DMD: variants seen among roughly 807,000 people sequenced by gnomAD.
DMD encodes dystrophin.
DMD carries 63 observed loss-of-function variants against 330.1 expected under a neutral mutation model. The observed-to-expected ratio is 0.19, with a 90% confidence interval of 0.16 to 0.24. DMD has a LOEUF of 0.24. Among genes scored for constraint, DMD ranks in the 10% least tolerant of loss-of-function variants. DMD has a pLI of 1.00. For missense variants in DMD, 3,344 were observed against 2,684.1 expected (o/e 1.25, Z -5.43); for synonymous variants, 1,223 against 959.8 (o/e 1.27, Z -5.07).
At chrX:32,797,538 T>C (rs2076263570) in intron 7 of DMD, among the ~76,000 whole-genome samples, 1 of 112,514 alleles carries the variant, frequency 8.9e-6, no homozygotes, top group Non-Finnish European at 1.9e-5. Context: ...AACACTTTTC[T>C]GAATCAAACC....
chrX:32,333,519 T>A (rs1033298707), intron 41 of DMD, among the ~76,000 whole-genome samples: 7 of 111,592 alleles, frequency 6.3e-5, no homozygotes, highest in African/African-American at 1.3e-4. Flanking sequence ...ATTTCTTTGC[T>A]TTTTTTGGAT....
At chrX:32,412,098 A>T (rs72468650) in intron 29 of DMD, 185 bp from the exon 30 acceptor site, 7 of 1,170,346 alleles carry the variant, frequency 6.0e-6, no homozygotes, top group Non-Finnish European at 6.9e-6. Context: ...GGAGAAAAAT[A>T]AATAGCAAAC....
chrX:31,382,283 G>T (rs2060219715), intron 60 of DMD, among the ~76,000 whole-genome samples: 1 of 111,457 alleles, frequency 9.0e-6, no homozygotes, highest in Admixed American at 9.5e-5. Flanking sequence ...CTCCTGTATG[G>T]ACGCTCCTTT....
At chrX:32,979,510 T>G (rs975058920) in intron 2 of DMD, among the ~76,000 whole-genome samples, 2 of 111,085 alleles carry the variant, frequency 1.8e-5, no homozygotes, top group South Asian at 3.8e-4. Context: ...ATTCATGTGT[T>G]TAGAGGAATA....
chrX:31,183,666 A>G (rs1286341604), intron 67 of DMD, among the ~76,000 whole-genome samples: 1 of 110,917 alleles, frequency 9.0e-6, no homozygotes, highest in East Asian at 2.8e-4. Context: ...GTTTTTTTCA[A>G]CCCTATAGGA....
At chrX:32,539,459 G>A (rs1182298830) in intron 17 of DMD, among the ~76,000 whole-genome samples, 1 of 110,543 alleles carries the variant, frequency 9.0e-6, no homozygotes, top group Admixed American at 9.7e-5. Context: ...ATAGGCAAAA[G>A]TGTCATTACT....
At chrX:31,903,009 A>G (rs750061477) in intron 47 of DMD, among the ~76,000 whole-genome samples, 125 of 111,396 alleles carry the variant, frequency 1.1e-3, no homozygotes, top group Non-Finnish European at 1.8e-3. Context: ...CTATTATGAC[A>G]CCTCTCAACA....
chrX:31,984,581 T>C (rs1205513864), intron 44 of DMD, among the ~76,000 whole-genome samples: 1 of 112,587 alleles, frequency 8.9e-6, no homozygotes, highest in Admixed American at 9.4e-5. Flanking sequence ...GTAATTCATT[T>C]TTATTGAAAA....
chrX:32,045,621 G>A (rs905600137), intron 44 of DMD, among the ~76,000 whole-genome samples: 3 of 110,961 alleles, frequency 2.7e-5, no homozygotes, highest in African/African-American at 6.5e-5. Context: ...TGATACTCTT[G>A]TTTTTCTGCC....
rs113848455 is a variant in DMD, at chrX:33,317,237, A to G, written c.7+22022T>C. Among the ~76,000 whole-genome samples the G allele has an allele frequency of 4.3e-3, 481 of 111,148 alleles. 2 individuals carry two copies. The highest frequency in any genetic ancestry group is 0.015 in the African/African-American group (464 of 30,706). ...TGGTTTGAAGAGATTAAGAGCTTAAATGGTCTTAAAGAGATTATATTGCTC... is the reference window on the plus strand; with the variant it reads ...TGGTTTGAAGAGATTAAGAGCTTAAGTGGTCTTAAAGAGATTATATTGCTC... On this transcript the variant is annotated intron_variant, in intron 1 of 17. Coordinates refer to the DMD transcript ENST00000288447.
intron 4 of DMD, among the ~76,000 whole-genome samples, chrX:32,842,392 T>C (rs1016773605): frequency 1.8e-5 from 2 of 112,031 alleles, no homozygotes; most frequent in South Asian, 3.7e-4. Context: ...CTCATTGTAA[T>C]AGTGTAAACA....
chrX:33,289,730 C>T (rs2148928911), intron 1 of DMD, among the ~76,000 whole-genome samples: 1 of 111,426 alleles, frequency 9.0e-6, no homozygotes, highest in East Asian at 2.8e-4. Context: ...AAAAGATTTT[C>T]TGTGGATTAT....
In DMD at chrX:32,489,566, T is replaced by C. The variant is rs972837625; in HGVS notation, c.2622+1711A>G. Among the ~76,000 whole-genome samples, 3 of 111,433 alleles carry C rather than the reference T, an allele frequency of 2.7e-5. No homozygotes were observed. The Admixed American group carries it at 2.9e-4, about 11-fold the overall frequency. On this transcript the variant is annotated intron_variant, in intron 20 of 78. Coordinates refer to ENST00000357033, the MANE Select transcript of DMD (RefSeq NM_004006.3). Reference sequence around the variant, plus strand: ...CCCTACCAAACCTTGATCCTGGACTTTCTCTCACTTCTAGAACTCTCAGAA... The same window carrying C: ...CCCTACCAAACCTTGATCCTGGACTCTCTCTCACTTCTAGAACTCTCAGAA...
In DMD at chrX:32,386,450, G is replaced by C; in HGVS notation, c.4534C>G (p.Leu1512Val). Residue 1512 changes from leucine to valine, a missense_variant, in exon 33 of 79, where the codon CTG (leucine) becomes GTG (valine). Physicochemically the swap from Leu to Val is conservative, Grantham distance 32. Coordinates refer to ENST00000357033, the MANE Select transcript of DMD (RefSeq NM_004006.3). ...LNHCVNLYKSLSEVKSEVEMV... is the reference protein window; with the variant it reads ...LNHCVNLYKSVSEVKSEVEMV... ...TCCACTTCAGACTTCACTTCACTCA[G>C]ACTTTTATACAAGTTCTAAGTTTAA... 3 of 1,203,750 alleles carry C rather than the reference G, an allele frequency of 2.5e-6. No individual in the cohort carries two copies. Among genetic ancestry groups the C allele is most frequent in the Non-Finnish European group, 3.4e-6 (3 of 889,281 alleles).
At chrX:32,094,163 T>C (rs2096491982) in intron 44 of DMD, among the ~76,000 whole-genome samples, 1 of 112,153 alleles carries the variant, frequency 8.9e-6, no homozygotes, top group Non-Finnish European at 1.9e-5. Flanking sequence ...TCAACGTTTG[T>C]TAACACATTA....
In DMD at chrX:32,949,285, C is replaced by T. The variant is rs780923328; in HGVS notation, c.93+70854G>A. On this transcript the variant is annotated intron_variant, in intron 2 of 78. Transcript: ENST00000357033. ...ACACACACACACACACACACACACA[C>T]ACACACGCACACATAATATATTAGA... Among the ~76,000 whole-genome samples the T allele has an allele frequency of 1.0e-3, 111 of 106,376 alleles. 1 individual carries two copies. Among genetic ancestry groups the T allele is most frequent in the African/African-American group, 3.7e-3 (105 of 28,679 alleles). The allele number at this position is 106,376 out of a possible 115,157, so 92.4% of individuals were successfully genotyped here.
At chrX:32,483,178 T>TA (rs1285538209) in intron 21 of DMD, among the ~76,000 whole-genome samples, 9 of 94,011 alleles carry the variant, frequency 9.6e-5, no homozygotes, top group East Asian at 3.6e-4. Flanking sequence ...CCATATTTAA[T>TA]TAAAGGGTTA....
chrX:31,125,027 GA>G (rs1459848891), intron 78 of DMD, among the ~76,000 whole-genome samples: 1 of 111,283 alleles, frequency 9.0e-6, no homozygotes, highest in African/African-American at 3.3e-5. Flanking sequence ...TTGGCTTCTG[GA>G]AACTTGTCTG....
chrX:31,536,628 C>T (rs757440908), intron 55 of DMD, among the ~76,000 whole-genome samples: 5 of 111,350 alleles, frequency 4.5e-5, no homozygotes, highest in Admixed American at 9.6e-5. Context: ...CTGCAGCTTC[C>T]ACTTCAATAA....
Sources: gnomAD v4.1 joint callset for allele counts (sites outside exome capture counted in the v4.1 genomes callset) on GRCh38, gnomAD v4.1.1 for gene constraint, MANE v1.5 for transcripts, NCBI Gene and HGNC (gene_info 2026-07-23, HGNC 2026-07-21) for gene names.